Variants in SEM1 observed in about 807,000 individuals in gnomAD.
The protein encoded by SEM1 is 26S proteasome complex subunit SEM1.
In SEM1, 3 loss-of-function variants were observed where a neutral mutation model predicts 12.7. The observed-to-expected ratio is 0.24, with a 90% CI of 0.11 to 0.61. SEM1 has a LOEUF of 0.61. SEM1 is among the 20% of genes least tolerant of loss of function. SEM1 has a pLI of 0.88. For synonymous variants in SEM1, 30 were observed against 27.8 expected (o/e 1.08, Z -0.25); for missense variants, 59 against 81.3 (o/e 0.73, Z 1.06).
At chr7:96,501,564 A>G (rs1326204662) in intron 3 of SEM1, among the ~76,000 whole-genome samples, 1 of 152,130 alleles carries the variant, frequency 6.6e-6, no homozygotes, top group Non-Finnish European at 1.5e-5. Flanking sequence ...AAGACTAAAA[A>G]CCATCCAAAT....
At chr7:96,606,240 G>A (rs926603007) in intron 2 of SEM1, among the ~76,000 whole-genome samples, 4 of 152,152 alleles carry the variant, frequency 2.6e-5, no homozygotes, top group African/African-American at 9.7e-5. Context: ...ATCCACTGGG[G>A]GTAATTGATA....
chr7:96,697,597 T>C (rs962308201), intron 1 of SEM1, among the ~76,000 whole-genome samples: 2 of 152,150 alleles, frequency 1.3e-5, no homozygotes, highest in African/African-American at 4.8e-5. Context: ...CGAATTCTTA[T>C]TCCATAAAAA....
chr7:96,571,456 A>G (rs989076961), intron 2 of SEM1, among the ~76,000 whole-genome samples: 2 of 152,124 alleles, frequency 1.3e-5, no homozygotes, highest in East Asian at 3.9e-4. Flanking sequence ...TTTATTAAAT[A>G]GGGAATCCTT....
At chr7:96,566,127 T>A (rs2115945203) in intron 2 of SEM1, among the ~76,000 whole-genome samples, 1 of 151,848 alleles carries the variant, frequency 6.6e-6, no homozygotes, top group South Asian at 2.1e-4. Context: ...ATTATTTTAT[T>A]CTATAAAAGT....
intron 2 of SEM1, among the ~76,000 whole-genome samples, chr7:96,643,272 G>A (rs1240327588): frequency 1.3e-5 from 2 of 152,108 alleles, no homozygotes; most frequent in Non-Finnish European, 2.9e-5. Context: ...TTCCTGCAAA[G>A]GGCATGATCT....
At chr7:96,506,986 A>G (rs914185650) in intron 2 of SEM1, among the ~76,000 whole-genome samples, 1 of 152,104 alleles carries the variant, frequency 6.6e-6, no homozygotes, top group Non-Finnish European at 1.5e-5. Context: ...AGAGATAGGA[A>G]GAGAAAGAAA....
chr7:96,590,834 G>A (rs1806806364), intron 2 of SEM1, among the ~76,000 whole-genome samples: 1 of 152,200 alleles, frequency 6.6e-6, no homozygotes, highest in Non-Finnish European at 1.5e-5. Flanking sequence ...AATTTTATGT[G>A]TGTGCTCTGT....
rs1430053159 is a variant in SEM1, at chr7:96,639,237, AAGGGAAG to A, written c.171-16601_171-16595del. The stretch of plus-strand genomic sequence containing the variant: ...TATGGTCTTTTAAAAATGAAGTTAA[AAGGGAAG>A]TTTCATTTTATTCCCTATGCTTTCG... On this transcript the variant is annotated intron_variant, in intron 2 of 2. Coordinates refer to the SEM1 transcript ENST00000417009. 3.4e-3 allele frequency among the ~76,000 whole-genome samples: 522 copies of A among 152,092 alleles called. 3 individuals carry two copies. The highest frequency in any genetic ancestry group is 0.012 in the African/African-American group (503 of 41,530).
intron 2 of SEM1, among the ~76,000 whole-genome samples, chr7:96,611,445 A>G (rs1314906110): frequency 6.6e-6 from 1 of 152,198 alleles, no homozygotes; most frequent in African/African-American, 2.4e-5. Context: ...GTCCTCCATG[A>G]CAGTCATGCC....
At chr7:96,487,277 A>T (rs1802812668) in intron 1 of SEM1, among the ~76,000 whole-genome samples, 1 of 150,074 alleles carries the variant, frequency 6.7e-6, no homozygotes, top group African/African-American at 2.5e-5. Context: ...ACAATATCAA[A>T]TTTTAAAATA....
intron 2 of SEM1, among the ~76,000 whole-genome samples, chr7:96,541,617 T>C (rs1804958293): frequency 6.6e-6 from 1 of 151,746 alleles, no homozygotes; most frequent in African/African-American, 2.4e-5. Context: ...GTCCCACTTA[T>C]CAATTTTGTT....
At chr7:96,636,285 C>T (rs1808422070) in intron 2 of SEM1, among the ~76,000 whole-genome samples, 1 of 151,340 alleles carries the variant, frequency 6.6e-6, no homozygotes, top group African/African-American at 2.4e-5. Context: ...ACTCCTGGTT[C>T]CTGGTCAGAG....
chr7:96,628,958 T>C (rs1808160451), intron 2 of SEM1, among the ~76,000 whole-genome samples: 1 of 152,198 alleles, frequency 6.6e-6, no homozygotes, highest in Non-Finnish European at 1.5e-5. Flanking sequence ...CTTAATTACG[T>C]CATGCCCCTC....
At chr7:96,615,239 A>ATCTTTTTTTTTTTTTTTTTTTTT (rs1807675880) in intron 2 of SEM1, among the ~76,000 whole-genome samples, 1 of 98,142 alleles carries the variant, frequency 1.0e-5, no homozygotes, top group African/African-American at 4.2e-5. Flanking sequence ...TTTTTGAGTC[A>ATCTTTTTTTTTTTTTTTTTTTTT]TCTTTTTTTT....
intron 2 of SEM1, among the ~76,000 whole-genome samples, chr7:96,614,832 GCA>G (rs1807657276): frequency 1.3e-5 from 2 of 152,002 alleles, no homozygotes; most frequent in Admixed American, 1.3e-4. Flanking sequence ...TATGTCATGT[GCA>G]CACATATGTG....
At chr7:96,630,481 C>A (rs1808214652) in intron 2 of SEM1, among the ~76,000 whole-genome samples, 2 of 152,114 alleles carry the variant, frequency 1.3e-5, no homozygotes, top group South Asian at 4.1e-4. Context: ...GCTCTTCAGT[C>A]AGCTTGTGGT....
At chr7:96,493,020 G>A (rs1157720180) in intron 1 of SEM1, among the ~76,000 whole-genome samples, 1 of 152,100 alleles carries the variant, frequency 6.6e-6, no homozygotes, top group Non-Finnish European at 1.5e-5. Context: ...AGGCTGGAGT[G>A]TGGAGTGCAG....
intron 3 of SEM1, among the ~76,000 whole-genome samples, chr7:96,506,237 C>G (rs552676778): frequency 6.6e-6 from 1 of 152,148 alleles, no homozygotes; most frequent in African/African-American, 2.4e-5. Context: ...TCTCCGAAGA[C>G]CTCTGGTTCT....
intron 2 of SEM1, among the ~76,000 whole-genome samples, chr7:96,584,578 C>A (rs1806542367): frequency 6.6e-6 from 1 of 151,780 alleles, no homozygotes; most frequent in African/African-American, 2.4e-5. Context: ...AACTTGGTTC[C>A]ATTCTCCCCG....
Sources: gnomAD v4.1 joint callset for allele counts (sites outside exome capture counted in the v4.1 genomes callset) on GRCh38, gnomAD v4.1.1 for gene constraint, MANE v1.5 for transcripts, NCBI Gene and HGNC (gene_info 2026-07-23, HGNC 2026-07-21) for gene names.